Variants in IRX6 observed in about 807,000 individuals in gnomAD.
IRX6 encodes iroquois homeobox 6.
A neutral mutation model predicts 47.7 loss-of-function variants in IRX6; 46 were observed. That is an observed-to-expected ratio of 0.96 (90% CI 0.76 to 1.23). The LOEUF is 1.23. Among genes scored for constraint, IRX6 ranks in the 50% most tolerant of loss-of-function variants. The pLI, the probability that IRX6 is intolerant of heterozygous loss-of-function variation, is 0.00. For missense variants in IRX6, 722 were observed against 588.0 expected, an observed-to-expected ratio of 1.23 and a Z score of -2.36; for synonymous variants, 265 against 246.2, an observed-to-expected ratio of 1.08 and a Z score of -0.72.
intron 5 of IRX6, among the ~76,000 whole-genome samples, chr16:55,329,736 GC>G (rs1960609959): frequency 6.6e-6 from 1 of 152,172 alleles, no homozygotes; most frequent in African/African-American, 2.4e-5. Context: ...GGTTGGGCAG[GC>G]ACCAGGGCTT....
At chr16:55,329,419 A>G in intron 5 of IRX6, 108 bp downstream of exon 5, 1 of 1,382,996 alleles carries the variant, frequency 7.2e-7, no homozygotes, top group Non-Finnish European at 9.6e-7. Context: ...CAGGTCTCCC[A>G]CAGAACTGAC....
Position 55,326,552 on chromosome 16 carries a change from C to G in IRX6, c.262C>G (p.Leu88Val). The G allele has an allele frequency of 6.3e-7, 1 of 1,580,372 alleles. No homozygotes were observed. Residue 88 changes from leucine to valine, a missense_variant, in exon 2 of 6, where the codon CTG becomes GTG. Transcript: ENST00000290552. ...AAAAQSYPGYLPYSPEPPSLY... is the reference protein window; with the variant it reads ...AAAAQSYPGYVPYSPEPPSLY... ...AGCTGCCCAGAGCTACCCTGGCTAC[C>G]TGCCCTATAGCCCAGAGCCCCCCTC...
rs31082 is a variant in IRX6 at position 55,327,581 on chromosome 16, C to G, written c.414-5C>G. On this transcript the variant is annotated splice_polypyrimidine_tract_variant and splice_region_variant and intron_variant, in intron 3 of 5. Transcript: ENST00000290552. Reference sequence around the variant, plus strand: ...CTATAATGTGAGCCAGGTTCTCCCCCACAGGTATGGCGCAGTGGAATTGAG... The same window carrying G: ...CTATAATGTGAGCCAGGTTCTCCCCGACAGGTATGGCGCAGTGGAATTGAG... 154 of 1,588,538 alleles carry G rather than the reference C, an allele frequency of 9.7e-5. No homozygotes were observed. Among genetic ancestry groups the G allele is most frequent in the Non-Finnish European group, 1.2e-4 (141 of 1,167,252 alleles).
In IRX6 at chr16:55,330,746, G is replaced by T; in HGVS notation, c.*441G>T. 4.5e-6 allele frequency: 1 copy of T among 223,034 alleles called. No homozygotes were observed. Among genetic ancestry groups the T allele is most frequent in the Non-Finnish European group, 9.0e-6 (1 of 110,626 alleles). 13.8% of individuals were successfully genotyped at this position (223,034 alleles called of 1,614,324 possible). A position where few individuals can be genotyped will look rare whatever the true frequency, so the allele number is the denominator to read the frequency against. The stretch of plus-strand genomic sequence containing the variant: ...GCCCTTGTGTCCTTAAAAATAATCA[G>T]TCCGAACCCATGTAGTGTGGCCTAT... On this transcript the variant is annotated 3_prime_UTR_variant, in exon 6 of 6. Coordinates refer to ENST00000290552, the MANE Select transcript of IRX6 (RefSeq NM_024335.3).
chr16:55,330,351 G>C lies in IRX6; in HGVS notation c.*46G>C, dbSNP rs1458866962. On this transcript the variant is annotated 3_prime_UTR_variant, in exon 6 of 6. Coordinates refer to ENST00000290552, the MANE Select transcript of IRX6 (RefSeq NM_024335.3). ...AAAGAATCTTGGAAATGGGCCCCAC[G>C]TTTCGAATTCATCTCCAGGTTAAGA... is the stretch of plus-strand genomic sequence containing the variant. The C allele has an allele frequency of 6.2e-7, 1 of 1,601,718 alleles. No homozygotes were observed. The highest frequency in any genetic ancestry group is 8.6e-7 in the Non-Finnish European group (1 of 1,168,818).
At chr16:55,330,210 C>A in intron 5 of IRX6, 88 bp from the exon 6 acceptor site, 2 of 1,223,162 alleles carry the variant, frequency 1.6e-6, no homozygotes, top group Non-Finnish European at 2.4e-6. Context: ...CATTTGCTTG[C>A]CTTCAGAAGA....
At chr16:55,326,035 G>A (rs1422281204) in intron 1 of IRX6, 4 of 402,602 alleles carry the variant, frequency 9.9e-6, no homozygotes, top group Non-Finnish European at 1.8e-5. Flanking sequence ...AGAGGGTTTG[G>A]TGTCTTTAAT....
At chr16:55,326,298 G>GGGGGGGGGGGGGGGGC in intron 1 of IRX6, 38 bp from the exon 2 acceptor site, 1 of 1,385,996 alleles carries the variant, frequency 7.2e-7, no homozygotes, top group Admixed American at 1.9e-5. Flanking sequence ...TGGGGGGGGG[G>GGGGGGGGGGGGGGGGC]TCTCTGACCT....
Position 55,329,031 on chromosome 16 carries a change from CTGG to C in IRX6, c.1055_1057del (p.Trp352del). On this transcript the variant is annotated inframe_deletion, in exon 5 of 6. Transcript: ENST00000290552. Reference sequence around the variant, plus strand: ...ACCCATGCTTGGAGAAACCGCGCATCTGGTCTCTGGCGCACACCGCGACAGCCA... The same window carrying C: ...ACCCATGCTTGGAGAAACCGCGCATCTCTCTGGCGCACACCGCGACAGCCA... 6.2e-7 allele frequency: 1 copy of C among 1,613,960 alleles called. No homozygotes were observed. The highest frequency in any genetic ancestry group is 2.2e-5 in the East Asian group (1 of 44,868).
chr16:55,327,455 C>T (rs1281196427), intron 3 of IRX6, 50 bp downstream of exon 3: 4 of 1,574,038 alleles, frequency 2.5e-6, no homozygotes, highest in Non-Finnish European at 3.5e-6. Context: ...TTTCCTCCCC[C>T]ACTGCCAAGG....
intron 1 of IRX6, chr16:55,326,029 G>A: frequency 2.6e-6 from 1 of 389,140 alleles, no homozygotes; most frequent in Non-Finnish European, 4.7e-6. Context: ...GGGAGCAGAG[G>A]GTTTGGTGTC....
In IRX6 at chr16:55,328,789, G is replaced by A; in HGVS notation, c.811G>A (p.Asp271Asn). 6.2e-7 allele frequency: 1 copy of A among 1,613,258 alleles called. No individual in the cohort carries two copies. Among genetic ancestry groups the A allele is most frequent in the East Asian group, 2.2e-5 (1 of 44,864 alleles). Residue 271 changes from aspartate to asparagine, a missense_variant, in exon 5 of 6, where the codon GAC becomes AAC. By Grantham distance (23) the Asp-to-Asn change is conservative. Coordinates refer to ENST00000290552, the MANE Select transcript of IRX6 (RefSeq NM_024335.3). Reference protein sequence around the residue: ...EEEEEEEEAEDEEVVATAGDR... With the variant: ...EEEEEEEEAENEEVVATAGDR... ...GGAGGAGGAGGAGGAGGAAGCTGAAGACGAGGAGGTAGTGGCCACAGCTGG... is the reference window on the plus strand; with the variant it reads ...GGAGGAGGAGGAGGAGGAAGCTGAAAACGAGGAGGTAGTGGCCACAGCTGG...
chr16:55,326,282 C>T (rs938514623), intron 1 of IRX6, 54 bp from the exon 2 acceptor site: 5 of 1,156,058 alleles, frequency 4.3e-6, no homozygotes, highest in Non-Finnish European at 5.7e-6. Flanking sequence ...GGAGCGGGGG[C>T]GGGGGTGGGG....
chr16:55,328,765 G>C lies in IRX6; in HGVS notation c.787G>C (p.Glu263Gln). ...LSDLEDLEEEEEEEEEAEDEE... is the reference protein window; with the variant it reads ...LSDLEDLEEEQEEEEEAEDEE... Reference sequence around the variant, plus strand: ...TGACCTGGAAGACCTGGAGGAAGAGGAGGAGGAGGAGGAGGAAGCTGAAGA... The same window carrying C: ...TGACCTGGAAGACCTGGAGGAAGAGCAGGAGGAGGAGGAGGAAGCTGAAGA... Residue 263 changes from glutamate to glutamine, a missense_variant, in exon 5 of 6, where the codon GAG becomes CAG. Physicochemically the swap from Glu to Gln is conservative, Grantham distance 29. Coordinates refer to ENST00000290552, the MANE Select transcript of IRX6 (RefSeq NM_024335.3). 6.2e-7 allele frequency: 1 copy of C among 1,611,930 alleles called. No individual in the cohort carries two copies. The highest frequency in any genetic ancestry group is 1.3e-5 in the African/African-American group (1 of 75,008).
At position 55,324,797 on chromosome 16, in the gene IRX6, TCA is replaced by T; in HGVS notation, c.-293_-292del. 3 of 496,502 alleles carry T rather than the reference TCA, an allele frequency of 6.0e-6. No individual in the cohort carries two copies. The highest frequency in any genetic ancestry group is 1.1e-5 in the Non-Finnish European group (3 of 275,378). 30.8% of individuals were successfully genotyped at this position (496,502 alleles called of 1,614,324 possible). On this transcript the variant is annotated 5_prime_UTR_variant, in exon 1 of 6. Transcript: ENST00000290552. This position sits in a 1 kb window ranked among gnomAD's most constrained non-coding sequence, Gnocchi z 4.4. ...TCACAGCCCCGCGCCGCGCCGCGCCTCACCTCGCCACCACGCGCCTTTGGGAA... is the reference window on the plus strand; with the variant it reads ...TCACAGCCCCGCGCCGCGCCGCGCCTCCTCGCCACCACGCGCCTTTGGGAA...
At position 55,329,217 on chromosome 16, in the gene IRX6, C is replaced by T. The variant is rs1341042435; in HGVS notation, c.1239C>T (p.Pro413=). 6.2e-7 allele frequency: 1 copy of T among 1,613,956 alleles called. No homozygotes were observed. The highest frequency in any genetic ancestry group is 1.3e-5 in the African/African-American group (1 of 74,936). ...SSCIPKAFGN[P]KFALQGLPLN... Reference sequence around the variant, plus strand: ...GCATACCCAAAGCCTTTGGAAACCCCAAGTTTGCCCTGCAGGGACTACCGC... The same window carrying T: ...GCATACCCAAAGCCTTTGGAAACCCTAAGTTTGCCCTGCAGGGACTACCGC... Residue 413 remains proline, a synonymous_variant, in exon 5 of 6, where the codon CCC becomes CCT. Coordinates refer to ENST00000290552, the MANE Select transcript of IRX6 (RefSeq NM_024335.3).
At chr16:55,326,296 G>GTT in intron 1 of IRX6, 40 bp from the exon 2 acceptor site, 13 of 1,472,710 alleles carry the variant, frequency 8.8e-6, no homozygotes, top group Non-Finnish European at 1.2e-5. Flanking sequence ...GGTGGGGGGG[G>GTT]GGTCTCTGAC....
chr16:55,329,787 G>T (rs1444237316), intron 5 of IRX6, among the ~76,000 whole-genome samples: 1 of 152,222 alleles, frequency 6.6e-6, no homozygotes, highest in Non-Finnish European at 1.5e-5. Context: ...GCACACCACA[G>T]ATTTAAGGTC....
chr16:55,326,779 T>C, intron 2 of IRX6, 186 bp downstream of exon 2: 1 of 535,150 alleles, frequency 1.9e-6, no homozygotes. Context: ...TTTATACTTC[T>C]ATTAATTCTG....
Sources: allele counts gnomAD v4.1 joint callset (sites outside exome capture counted in the v4.1 genomes callset), GRCh38; gene constraint gnomAD v4.1.1; non-coding constraint Gnocchi (gnomAD v3.1); transcripts MANE v1.5; gene names NCBI Gene and HGNC (gene_info 2026-07-23, HGNC 2026-07-21).